GPC6: variants seen among roughly 807,000 people sequenced by gnomAD.
The protein encoded by GPC6 is glypican 6.
Under a neutral mutation model 55.2 loss-of-function variants are expected in GPC6, and 14 were observed. The observed-to-expected ratio is 0.25, with a 90% CI of 0.17 to 0.40. The LOEUF (loss-of-function observed/expected upper bound fraction) is 0.40, where lower values mean the gene tolerates loss of function less well. Ranked by LOEUF, GPC6 falls within the 10% of genes least tolerant of loss-of-function variation. The probability of loss-of-function intolerance (pLI) is 1.00; values close to 1 mark genes in which losing one functional copy is unlikely to be tolerated. For missense variants in GPC6, 641 were observed against 708.5 expected (o/e 0.90, Z 1.08); for synonymous variants, 278 against 259.6 (o/e 1.07, Z -0.68).
At chr13:93,965,106 G>GTT (rs5805837) in intron 3 of GPC6, among the ~76,000 whole-genome samples, 6 of 67,344 alleles carry the variant, frequency 8.9e-5, no homozygotes, top group African/African-American at 1.8e-4. Flanking sequence ...CTATGAGTTT[G>GTT]TTTTTTTTTT....
intron 6 of GPC6, among the ~76,000 whole-genome samples, chr13:94,322,139 C>A (rs1224842875): frequency 6.6e-6 from 1 of 152,134 alleles, no homozygotes; most frequent in Non-Finnish European, 1.5e-5. Context: ...GCAGTTTCCC[C>A]CATACTGTTC....
Position 94,305,969 on chromosome 13 carries a change from G to A in GPC6, c.1009-11G>A. On this transcript the variant is annotated splice_polypyrimidine_tract_variant and intron_variant, in intron 5 of 8. Coordinates refer to ENST00000377047, the MANE Select transcript of GPC6 (RefSeq NM_005708.5). ...TGTATAGCTGTTTTTACTTTTCAAT[G>A]GTTCTTCCAGGTCTTTCAGGGATGT... The A allele has an allele frequency of 1.2e-6, 2 of 1,613,772 alleles. No homozygotes were observed. Among genetic ancestry groups the A allele is most frequent in the African/African-American group, 1.3e-5 (1 of 75,008 alleles).
chr13:93,727,832 C>G lies in GPC6; in HGVS notation c.320-102322C>G, dbSNP rs144626534. Among the ~76,000 whole-genome samples the G allele has an allele frequency of 6.6e-5, 10 of 152,254 alleles. No homozygotes were observed. The East Asian group carries it at 1.9e-3, about 29-fold the overall frequency. ...TTACAAATATAAAATCTGAACTCCT[C>G]TCCATGGCTTACAAAGCCTCCCTTC... On this transcript the variant is annotated intron_variant, in intron 2 of 8. Coordinates refer to ENST00000377047, the MANE Select transcript of GPC6 (RefSeq NM_005708.5).
At chr13:93,534,851 A>G (rs528363837) in intron 1 of GPC6, among the ~76,000 whole-genome samples, 1 of 152,102 alleles carries the variant, frequency 6.6e-6, no homozygotes, top group African/African-American at 2.4e-5. Flanking sequence ...TCTCTTTTTT[A>G]TTTTAGAGCT....
chr13:93,961,912 C>G lies in GPC6; in HGVS notation c.712-65817C>G, dbSNP rs61964384. On this transcript the variant is annotated intron_variant, in intron 3 of 8. Coordinates refer to ENST00000377047, the MANE Select transcript of GPC6 (RefSeq NM_005708.5). Reference sequence around the variant, plus strand: ...TACTAAAATCTTTGAGCCGTCCTAGCCTCACCTAGCTTGAAGCTAATATTA... The same window carrying G: ...TACTAAAATCTTTGAGCCGTCCTAGGCTCACCTAGCTTGAAGCTAATATTA... Among the ~76,000 whole-genome samples the G allele has an allele frequency of 2.1e-3, 321 of 152,234 alleles. 1 individual carries two copies. Among genetic ancestry groups the G allele is most frequent in the Admixed American group, 4.1e-3 (63 of 15,292 alleles).
intron 3 of GPC6, among the ~76,000 whole-genome samples, chr13:93,912,439 G>A (rs1877034241): frequency 2.0e-5 from 3 of 152,054 alleles, no homozygotes; most frequent in Admixed American, 6.6e-5. Flanking sequence ...CACAAATTGG[G>A]TGGCTCAAAA....
At chr13:94,300,182 C>T (rs116292621) in intron 5 of GPC6, among the ~76,000 whole-genome samples, 2,496 of 152,164 alleles carry the variant, frequency 0.016, 54 homozygotes, top group African/African-American at 0.057. Flanking sequence ...GGAGCCGAGA[C>T]GGGATTTACC....
chr13:93,222,976 C>T (rs1179657077), upstream of GPC6, among the ~76,000 whole-genome samples: 1 of 146,580 alleles, frequency 6.8e-6, no homozygotes, highest in African/African-American at 2.5e-5. Flanking sequence ...AGGCAGGAGG[C>T]TGAGGCAAAA....
At chr13:93,882,890 T>C (rs73553709) in intron 3 of GPC6, among the ~76,000 whole-genome samples, 8,679 of 151,686 alleles carry the variant, frequency 0.057, 406 homozygotes, top group African/African-American at 0.13. Context: ...GGAACTTTAG[T>C]CTGTAATTTT....
chr13:94,340,304 A>G (rs1192504994), intron 6 of GPC6, among the ~76,000 whole-genome samples: 1 of 152,122 alleles, frequency 6.6e-6, no homozygotes, highest in Non-Finnish European at 1.5e-5. Context: ...CTTGTTACCT[A>G]TGTAACTCCT....
At chr13:93,757,177 C>T (rs1365930315) in intron 2 of GPC6, among the ~76,000 whole-genome samples, 2 of 152,186 alleles carry the variant, frequency 1.3e-5, no homozygotes, top group Non-Finnish European at 2.9e-5. Context: ...GTTCCTAAGT[C>T]TCCCTACAGG....
intron 2 of GPC6, among the ~76,000 whole-genome samples, chr13:93,587,193 CTTA>C (rs1877243379): frequency 6.6e-6 from 1 of 151,728 alleles, no homozygotes; most frequent in Non-Finnish European, 1.5e-5. Context: ...TATAATATTA[CTTA>C]TTATATAATA....
chr13:93,582,018 C>T (rs1876959596), intron 2 of GPC6, among the ~76,000 whole-genome samples: 1 of 152,128 alleles, frequency 6.6e-6, no homozygotes, highest in Admixed American at 6.5e-5. Context: ...TCTGGGTATG[C>T]AGAGAGAGAC....
intron 6 of GPC6, among the ~76,000 whole-genome samples, chr13:94,354,563 G>C (rs1475279057): frequency 2.6e-5 from 4 of 152,194 alleles, no homozygotes; most frequent in Non-Finnish European, 5.9e-5. Flanking sequence ...ACAAAAAATA[G>C]CCGAAGAATT....
chr13:93,489,821 T>C (rs984219932), intron 1 of GPC6, among the ~76,000 whole-genome samples: 13 of 151,774 alleles, frequency 8.6e-5, no homozygotes, highest in Admixed American at 2.6e-4. Context: ...TGATTTTGTA[T>C]CCTGAGACTT....
intron 3 of GPC6, among the ~76,000 whole-genome samples, chr13:93,946,062 C>T (rs950569568): frequency 2.0e-5 from 3 of 152,038 alleles, no homozygotes; most frequent in South Asian, 4.1e-4. Context: ...GCAATCAAAA[C>T]AATTAGTGAA....
rs542871238 is a variant in GPC6 at position 94,259,459 on chromosome 13, C to T, written c.878-26890C>T. ...CTAGGCTGGGCTGCTTACATGCTAGCATTGGTTGGTTTAGCACTATCTTTT... is the reference window on the plus strand; with the variant it reads ...CTAGGCTGGGCTGCTTACATGCTAGTATTGGTTGGTTTAGCACTATCTTTT... On this transcript the variant is annotated intron_variant, in intron 4 of 8. Coordinates refer to ENST00000377047, the MANE Select transcript of GPC6 (RefSeq NM_005708.5). Among the ~76,000 whole-genome samples the T allele has an allele frequency of 3.9e-5, 6 of 152,302 alleles. No individual in the cohort carries two copies. In the South Asian group the frequency reaches 1.2e-3, roughly 32 times the overall value.
At position 93,955,373 on chromosome 13, in the gene GPC6, C is replaced by A. The variant is rs183984877; in HGVS notation, c.712-72356C>A. 4.0e-5 allele frequency among the ~76,000 whole-genome samples: 6 copies of A among 151,564 alleles called. No homozygotes were observed. The East Asian group carries it at 1.2e-3, about 30-fold the overall frequency. On this transcript the variant is annotated intron_variant, in intron 3 of 8. Transcript: ENST00000377047. ...AGCAAACTTTCCCCAAATGCATTATCATCTGCAGAGAGCACCAGCTTCAAA... is the reference window on the plus strand; with the variant it reads ...AGCAAACTTTCCCCAAATGCATTATAATCTGCAGAGAGCACCAGCTTCAAA...
upstream of GPC6, among the ~76,000 whole-genome samples, chr13:93,222,380 G>A (rs1299452238): frequency 6.6e-6 from 1 of 152,100 alleles, no homozygotes; most frequent in Non-Finnish European, 1.5e-5. Flanking sequence ...AGAAACTTCT[G>A]GAAAGCATTC....
Sources: gnomAD v4.1 joint callset for allele counts (sites outside exome capture counted in the v4.1 genomes callset) on GRCh38, gnomAD v4.1.1 for gene constraint, MANE v1.5 for transcripts, NCBI Gene and HGNC (gene_info 2026-07-23, HGNC 2026-07-21) for gene names.